KCND1: variants seen among roughly 807,000 people sequenced by gnomAD.
KCND1 encodes the protein A-type voltage-gated potassium channel KCND1.
A neutral mutation model predicts 31.8 loss-of-function variants in KCND1; 11 were observed. The ratio of observed to expected loss-of-function variants is 0.35; its 90% CI spans 0.22 to 0.57. KCND1 has a LOEUF of 0.57. KCND1 is among the 20% of genes least tolerant of loss of function. The pLI is 0.85. For synonymous variants in KCND1, 234 were observed against 248.1 expected (o/e 0.94, Z 0.53); for missense variants, 471 against 596.8 (o/e 0.79, Z 2.20).
Position 48,961,611 on chromosome X carries a change from G to GA in KCND1, c.*969dup, listed in dbSNP as rs2064320334. The stretch of plus-strand genomic sequence containing the variant: ...TGTCTCCTATAACTCCCAAAGTTCA[G>GA]AAACATCCCAGGCCGGAGCCCCTGA... On this transcript the variant is annotated 3_prime_UTR_variant, in exon 6 of 6. Coordinates refer to ENST00000218176, the MANE Select transcript of KCND1 (RefSeq NM_004979.6). 1 of 111,717 alleles carries GA rather than the reference G, an allele frequency of 9.0e-6. No homozygotes were observed. Among genetic ancestry groups the GA allele is most frequent in the African/African-American group, 3.3e-5 (1 of 30,707 alleles). 9.2% of individuals were successfully genotyped at this position (111,717 alleles called of 1,213,427 possible). A position where few individuals can be genotyped will look rare whatever the true frequency, so the allele number is the denominator to read the frequency against.
intron 1 of KCND1, 86 bp downstream of exon 1, chrX:48,969,065 A>G: frequency 2.0e-6 from 2 of 979,565 alleles, no homozygotes; most frequent in South Asian, 4.6e-5. Flanking sequence ...AAAGAAAGAA[A>G]GAAAGAGATC....
At position 48,970,237 on chromosome X, in the gene KCND1, G is replaced by A. The variant is rs2064380385; in HGVS notation, c.35C>T (p.Ala12Val). Residue 12 changes from alanine (A) to valine (V), a missense_variant, in exon 1 of 6, where the codon GCT becomes GTT. Ala to Val is a moderately conservative substitution (Grantham distance 64). Around this residue, in one of 3 missense-constraint regions of KCND1, gnomAD observed 212 missense variants for 257.9 expected, o/e 0.82. Coordinates refer to ENST00000218176, the MANE Select transcript of KCND1 (RefSeq NM_004979.6). The stretch of plus-strand genomic sequence containing the variant: ...CAGCCAGCCCACTGCTGCTGCCCGA[G>A]CAAAAGGCAGCCACGTGGCCAGGCC... ...AAGLATWLPF[A>V]RAAAVGWLPL... 1 of 1,204,275 alleles carries A rather than the reference G, an allele frequency of 8.3e-7. No individual in the cohort carries two copies. Among genetic ancestry groups the A allele is most frequent in the Non-Finnish European group, 1.1e-6 (1 of 892,173 alleles).
rs879977769 is a variant in KCND1, at chrX:48,962,468, TG to T, written c.*112del. ...TGAAACTCCATTGCATAGTTCTCAG[TG>T]GGGGGGGCAGAAGGGGTGCCCAAGC... On this transcript the variant is annotated 3_prime_UTR_variant, in exon 6 of 6. Coordinates refer to ENST00000218176, the MANE Select transcript of KCND1 (RefSeq NM_004979.6). 1.5e-4 allele frequency: 75 copies of T among 491,832 alleles called. No homozygotes were observed. The highest frequency in any genetic ancestry group is 1.2e-3 in the South Asian group (37 of 31,028). 40.5% of individuals were successfully genotyped at this position (491,832 alleles called of 1,213,427 possible).
chrX:48,971,044 G>A lies in KCND1; in HGVS notation c.-773C>T, dbSNP rs1409837126. 9.1e-6 allele frequency: 1 copy of A among 109,304 alleles called. No individual in the cohort carries two copies. Among genetic ancestry groups the A allele is most frequent in the Non-Finnish European group, 1.9e-5 (1 of 52,401 alleles). The allele number at this position is 109,304 out of a possible 1,213,427, so 9.0% of individuals were successfully genotyped here. On this transcript the variant is annotated 5_prime_UTR_variant, in exon 1 of 6. Coordinates refer to ENST00000218176, the MANE Select transcript of KCND1 (RefSeq NM_004979.6). ...TACAGGAGTTCTGGGGAAGAAAGGA[G>A]AGGCCAGAGCCTCCTAGTAGGGCTG...
Position 48,962,470 on chromosome X carries a change from G to C in KCND1, c.*111C>G, listed in dbSNP as rs782455560. 84 of 508,472 alleles carry C rather than the reference G, an allele frequency of 1.7e-4. No individual in the cohort carries two copies. The highest frequency in any genetic ancestry group is 3.7e-4 in the East Asian group (10 of 27,323). 41.9% of individuals were successfully genotyped at this position (508,472 alleles called of 1,213,427 possible). ...AAACTCCATTGCATAGTTCTCAGTG[G>C]GGGGGGCAGAAGGGGTGCCCAAGCC... is the stretch of plus-strand genomic sequence containing the variant. On this transcript the variant is annotated 3_prime_UTR_variant, in exon 6 of 6. Transcript: ENST00000218176.
intron 5 of KCND1, among the ~76,000 whole-genome samples, chrX:48,965,094 C>T (rs2064346207): frequency 9.6e-6 from 1 of 103,853 alleles, no homozygotes. Context: ...CTCTTGTTGC[C>T]CAAGCTGGAG....
rs2064388473 is a variant in KCND1 at position 48,971,496 on chromosome X, G to GGCAGTGGCAGTAGCA, written c.-1240_-1226dup. ...CCCGAGGGGCTGGCGGTGTGTACTGGGCAGTGGCAGTAGCAGCAGCGGCAG... is the reference window on the plus strand; with the variant it reads ...CCCGAGGGGCTGGCGGTGTGTACTGGGCAGTGGCAGTAGCAGCAGTGGCAGTAGCAGCAGCGGCAG... On this transcript the variant is annotated 5_prime_UTR_variant, in exon 1 of 6. Transcript: ENST00000218176. The GGCAGTGGCAGTAGCA allele has an allele frequency of 8.8e-6, 1 of 113,031 alleles. No homozygotes were observed. The highest frequency in any genetic ancestry group is 3.7e-4 in the South Asian group (1 of 2,679). The allele number at this position is 113,031 out of a possible 1,213,427, so 9.3% of individuals were successfully genotyped here.
chrX:48,963,696 G>A (rs1557057561), intron 5 of KCND1, among the ~76,000 whole-genome samples: 1 of 111,479 alleles, frequency 9.0e-6, no homozygotes, highest in Non-Finnish European at 1.9e-5. Flanking sequence ...TAGGGTTGCT[G>A]TGGAGATTAA....
intron 5 of KCND1, among the ~76,000 whole-genome samples, chrX:48,963,437 A>G (rs1369302841): frequency 1.9e-5 from 2 of 103,828 alleles, no homozygotes; most frequent in Non-Finnish European, 3.9e-5. Context: ...ACAGAGTGAG[A>G]CTCTGTCTCA....
rs1329261147 is a variant in KCND1 at position 48,969,848 on chromosome X, CCTT to C, written c.421_423del (p.Lys141del). On this transcript the variant is annotated inframe_deletion, in exon 1 of 6. Coordinates refer to ENST00000218176, the MANE Select transcript of KCND1 (RefSeq NM_004979.6). ...TCCTCTGCCAGGCGCTCGGCATTCTCCTTCTTTCGGTCCCGATACTCTTCAAGG... is the reference window on the plus strand; with the variant it reads ...TCCTCTGCCAGGCGCTCGGCATTCTCCTTTCGGTCCCGATACTCTTCAAGG... 1 of 1,211,106 alleles carries C rather than the reference CCTT, an allele frequency of 8.3e-7. No homozygotes were observed. Among genetic ancestry groups the C allele is most frequent in the East Asian group, 3.0e-5 (1 of 33,804 alleles).
chrX:48,969,771 G>A lies in KCND1; in HGVS notation c.501C>T (p.Ser167=). The part of the protein sequence containing the change: ...GDGPALPAGS[S]LRQRLWRAFE... Reference sequence around the variant, plus strand: ...AGGCCCGCCAGAGCCGCTGCCGCAGGGAGCTGCCTGCTGGCAGGGCTGGGC... The same window carrying A: ...AGGCCCGCCAGAGCCGCTGCCGCAGAGAGCTGCCTGCTGGCAGGGCTGGGC... Residue 167 remains serine, a synonymous_variant, in exon 1 of 6, where the codon TCC becomes TCT. Transcript: ENST00000218176. 1 of 1,209,084 alleles carries A rather than the reference G, an allele frequency of 8.3e-7. No individual in the cohort carries two copies. Among genetic ancestry groups the A allele is most frequent in the African/African-American group, 1.7e-5 (1 of 57,963 alleles).
rs1557058170 is a variant in KCND1, at chrX:48,967,112, G to A, written c.1122-6C>T. The stretch of plus-strand genomic sequence containing the variant: ...TGGGCACCATGTCTCCGTAGCTGGA[G>A]CGAGGGGAGGTAGGCCAAGGTCAGG... On this transcript the variant is annotated splice_polypyrimidine_tract_variant and splice_region_variant and intron_variant, in intron 1 of 5. Coordinates refer to ENST00000218176, the MANE Select transcript of KCND1 (RefSeq NM_004979.6). 1 of 1,208,015 alleles carries A rather than the reference G, an allele frequency of 8.3e-7. No homozygotes were observed. Among genetic ancestry groups the A allele is most frequent in the Admixed American group, 2.2e-5 (1 of 45,882 alleles).
In KCND1 at chrX:48,970,191, C is replaced by A; in HGVS notation, c.81G>T (p.Leu27=). The change falls in exon 1 of 6, where the codon CTG becomes CTT. Residue 27 remains leucine (L), a synonymous_variant. Coordinates refer to ENST00000218176, the MANE Select transcript of KCND1 (RefSeq NM_004979.6). ...VGWLPLAQQP[L]PPAPGVKASR... ...ATGCCTTCACCCCCGGTGCCGGGGG[C>A]AGGGGTTGCTGGGCCAGGGGCAGCC... 7 of 1,208,256 alleles carry A rather than the reference C, an allele frequency of 5.8e-6. No individual in the cohort carries two copies. Among genetic ancestry groups the A allele is most frequent in the Non-Finnish European group, 6.7e-6 (6 of 893,435 alleles).
intron 5 of KCND1, 127 bp downstream of exon 5, chrX:48,965,928 A>G: frequency 1.4e-6 from 1 of 723,670 alleles, no homozygotes; most frequent in Non-Finnish European, 2.0e-6. Context: ...GATAAGCCCA[A>G]GCTTCCAGCA....
chrX:48,969,052 T>C (rs2064368551), intron 1 of KCND1, 99 bp downstream of exon 1: 1 of 927,859 alleles, frequency 1.1e-6, no homozygotes. Context: ...AGACTCCATT[T>C]AAAAAGAAAG....
rs1557058728 is a variant in KCND1 at position 48,970,136 on chromosome X, C to G, written c.136G>C (p.Val46Leu). ...SRGDEVLVVN[V>L]SGRRFETWKN... The stretch of plus-strand genomic sequence containing the variant: ...CAAGTCTCAAAGCGCCGTCCGCTCA[C>G]GTTCACCACCAGAACCTCATCTCCT... Residue 46 changes from valine to leucine, a missense_variant, in exon 1 of 6, where the codon GTG (valine) becomes CTG (leucine). Val to Leu is a conservative substitution (Grantham distance 32). This residue lies in a region of KCND1 where 212 missense variants were observed against 257.9 expected (regional missense o/e 0.82). Coordinates refer to ENST00000218176, the MANE Select transcript of KCND1 (RefSeq NM_004979.6). The G allele has an allele frequency of 5.8e-6, 7 of 1,209,727 alleles. No individual in the cohort carries two copies. The highest frequency in any genetic ancestry group is 7.8e-6 in the Non-Finnish European group (7 of 895,026).
Position 48,966,252 on chromosome X carries a change from C to A in KCND1, c.1521G>T (p.Ser507=). 3 of 1,196,077 alleles carry A rather than the reference C, an allele frequency of 2.5e-6. No homozygotes were observed. Among genetic ancestry groups the A allele is most frequent in the Non-Finnish European group, 3.4e-6 (3 of 888,786 alleles). The change falls in exon 5 of 6, where the codon TCG becomes TCT. Residue 507 remains serine (S), a synonymous_variant. Transcript: ENST00000218176. ...LTFSEALGAV[S]PGGRTSRSTS... ...TGCTACGGCTGGTGCGGCCACCCGG[C>A]GAGACGGCTCCCAGGGCTTCACTGA... is the stretch of plus-strand genomic sequence containing the variant.
chrX:48,969,781 G>C lies in KCND1; in HGVS notation c.491C>G (p.Ala164Gly). Residue 164 changes from alanine to glycine, a missense_variant, in exon 1 of 6, where the codon GCA becomes GGA. Coordinates refer to ENST00000218176, the MANE Select transcript of KCND1 (RefSeq NM_004979.6). ...EQAGDGPALPAGSSLRQRLWR... is the reference protein window; with the variant it reads ...EQAGDGPALPGGSSLRQRLWR... Reference sequence around the variant, plus strand: ...GAGCCGCTGCCGCAGGGAGCTGCCTGCTGGCAGGGCTGGGCCGTCCCCGGC... The same window carrying C: ...GAGCCGCTGCCGCAGGGAGCTGCCTCCTGGCAGGGCTGGGCCGTCCCCGGC... 1.7e-6 allele frequency: 2 copies of C among 1,207,787 alleles called. No individual in the cohort carries two copies. Among genetic ancestry groups the C allele is most frequent in the Non-Finnish European group, 2.2e-6 (2 of 893,789 alleles).
At position 48,970,343 on chromosome X, in the gene KCND1, G is replaced by T; in HGVS notation, c.-72C>A. ...GGAGAATGTGGCTGTCTCCAGGATGGTGGGGGCTTGGAGACACCTTGAGCC... is the reference window on the plus strand; with the variant it reads ...GGAGAATGTGGCTGTCTCCAGGATGTTGGGGGCTTGGAGACACCTTGAGCC... On this transcript the variant is annotated 5_prime_UTR_variant, in exon 1 of 6. Transcript: ENST00000218176. 1.7e-5 allele frequency: 18 copies of T among 1,035,340 alleles called. No individual in the cohort carries two copies. Among genetic ancestry groups the T allele is most frequent in the Non-Finnish European group, 2.2e-5 (17 of 775,607 alleles). 85.3% of individuals were successfully genotyped at this position (1,035,340 alleles called of 1,213,427 possible). A position where few individuals can be genotyped will look rare whatever the true frequency, so the allele number is the denominator to read the frequency against.
Sources: allele counts gnomAD v4.1 joint callset (sites outside exome capture counted in the v4.1 genomes callset), GRCh38; gene constraint gnomAD v4.1.1; regional missense constraint gnomAD v4.1.1; transcripts MANE v1.5; gene names NCBI Gene and HGNC (gene_info 2026-07-23, HGNC 2026-07-21).